TBC1D31: variants seen among roughly 807,000 people sequenced by gnomAD.
TBC1D31 encodes TBC1 domain family member 31.
In TBC1D31, 99 loss-of-function variants were observed where a neutral mutation model predicts 132.9. The observed-to-expected ratio is 0.74, with a 90% CI of 0.63 to 0.88. The LOEUF (loss-of-function observed/expected upper bound fraction) is 0.88. TBC1D31 is among the 40% of genes least tolerant of loss of function. The pLI is 0.00. For synonymous variants in TBC1D31, 385 were observed against 419.4 expected (o/e 0.92, Z 1.00); for missense variants, 1,134 against 1,256.6 (o/e 0.90, Z 1.48).
chr8:123,103,432 T>C (rs1817636153), intron 7 of TBC1D31: 1 of 151,960 alleles, frequency 6.6e-6, no homozygotes, highest in Admixed American at 6.6e-5. Context: ...TTCTTTTCTT[T>C]TTTTTTTTGA....
intron 11 of TBC1D31, among the ~76,000 whole-genome samples, chr8:123,122,901 G>A (rs1015397868): frequency 6.6e-6 from 1 of 152,156 alleles, no homozygotes; most frequent in African/African-American, 2.4e-5. Context: ...GTCAGCATGA[G>A]TGGTGGATTT....
intron 7 of TBC1D31, chr8:123,102,321 A>C (rs535100041): frequency 4.4e-6 from 2 of 454,150 alleles, no homozygotes; most frequent in South Asian, 1.6e-5. Context: ...TTCCAAGATT[A>C]CATGAGATTG....
At chr8:123,093,556 T>C in intron 4 of TBC1D31, 35 bp from the exon 5 acceptor site, 1 of 1,499,680 alleles carries the variant, frequency 6.7e-7, no homozygotes, top group Non-Finnish European at 9.1e-7. Context: ...TATGTGAACC[T>C]TATGTGAAAA....
intron 11 of TBC1D31, among the ~76,000 whole-genome samples, chr8:123,125,506 A>C (rs991020700): frequency 3.9e-5 from 6 of 152,238 alleles, no homozygotes; most frequent in Admixed American, 1.3e-4. Flanking sequence ...CTTATAGAAC[A>C]ATCAGTCTTT....
At chr8:123,119,926 G>A (rs17314930) in intron 10 of TBC1D31, 129 bp from the exon 11 acceptor site, 130,663 of 688,184 alleles carry the variant, frequency 0.19, 12,847 homozygotes, top group African/African-American at 0.23. Flanking sequence ...GTTACTTCTG[G>A]AGAGGTGAAC....
chr8:123,130,959 T>A (rs1820561859), intron 16 of TBC1D31, among the ~76,000 whole-genome samples: 1 of 152,022 alleles, frequency 6.6e-6, no homozygotes, highest in Non-Finnish European at 1.5e-5. Context: ...TTTTTTCATA[T>A]AAAAATTATC....
chr8:123,111,737 T>C (rs181116148), intron 10 of TBC1D31, among the ~76,000 whole-genome samples: 2 of 152,180 alleles, frequency 1.3e-5, no homozygotes, highest in East Asian at 1.9e-4. Flanking sequence ...TATATAACTA[T>C]AAATAATAAC....
chr8:123,137,933 A>T (rs925999177), intron 17 of TBC1D31, among the ~76,000 whole-genome samples: 3 of 152,224 alleles, frequency 2.0e-5, no homozygotes, highest in Non-Finnish European at 4.4e-5. Flanking sequence ...GATGTATGAT[A>T]CATATTGGAT....
intron 6 of TBC1D31, among the ~76,000 whole-genome samples, 157 bp from the exon 7 acceptor site, chr8:123,100,649 TG>T (rs1296712091): frequency 6.6e-6 from 1 of 151,874 alleles, no homozygotes; most frequent in Non-Finnish European, 1.5e-5. Context: ...TTCCTCTAGG[TG>T]TCCCTCTCAA....
At chr8:123,130,776 C>T (rs1459357305) in intron 16 of TBC1D31, among the ~76,000 whole-genome samples, 1 of 151,666 alleles carries the variant, frequency 6.6e-6, no homozygotes, top group Non-Finnish European at 1.5e-5. Context: ...TGCACGCCAC[C>T]ACACCCAGCT....
chr8:123,090,876 G>A (rs915327928), intron 4 of TBC1D31, among the ~76,000 whole-genome samples: 3 of 152,030 alleles, frequency 2.0e-5, no homozygotes, highest in Admixed American at 2.0e-4. Context: ...TGCTTGGGAG[G>A]TTGTAGTGAG....
At chr8:123,089,157 A>G (rs1372224459) in intron 4 of TBC1D31, among the ~76,000 whole-genome samples, 1 of 152,224 alleles carries the variant, frequency 6.6e-6, no homozygotes, top group Non-Finnish European at 1.5e-5. Context: ...TTAAGATTTC[A>G]GATTTTCGGA....
Position 123,134,216 on chromosome 8 carries a change from A to C in TBC1D31, c.2499+10A>C. 6.2e-7 allele frequency: 1 copy of C among 1,610,226 alleles called. No homozygotes were observed. The highest frequency in any genetic ancestry group is 8.5e-7 in the Non-Finnish European group (1 of 1,176,734). On this transcript the variant is annotated intron_variant, in intron 17 of 21. Coordinates refer to ENST00000287380, the MANE Select transcript of TBC1D31 (RefSeq NM_145647.4). The stretch of plus-strand genomic sequence containing the variant: ...GAGACTTTATGAGAAGGTATAATTC[A>C]GTTATTTCCAACATAAGAAAAGCAG...
At chr8:123,109,814 A>G (rs1818279401) in intron 10 of TBC1D31, among the ~76,000 whole-genome samples, 194 bp downstream of exon 10, 1 of 152,086 alleles carries the variant, frequency 6.6e-6, no homozygotes, top group African/African-American at 2.4e-5. Context: ...AGAAAATAGG[A>G]CTCTTTCAGT....
intron 8 of TBC1D31, among the ~76,000 whole-genome samples, chr8:123,107,181 A>T (rs528940069): frequency 4.6e-5 from 7 of 152,278 alleles, no homozygotes; most frequent in African/African-American, 1.7e-4. Context: ...GGGTGGTGAG[A>T]ACTTTCCTGA....
chr8:123,090,214 A>G (rs1019374967), intron 4 of TBC1D31, among the ~76,000 whole-genome samples: 2 of 152,220 alleles, frequency 1.3e-5, no homozygotes, highest in African/African-American at 4.8e-5. Context: ...ATTTTACAAG[A>G]AGGGAAACCG....
At chr8:123,148,320 G>A (rs548604873) in intron 20 of TBC1D31, among the ~76,000 whole-genome samples, 1 of 152,256 alleles carries the variant, frequency 6.6e-6, no homozygotes, top group African/African-American at 2.4e-5. Flanking sequence ...TTGAAACATT[G>A]CTGGAGACAA....
intron 5 of TBC1D31, among the ~76,000 whole-genome samples, chr8:123,094,561 C>T (rs533660907): frequency 4.7e-4 from 70 of 149,052 alleles, no homozygotes; most frequent in African/African-American, 1.7e-3. Flanking sequence ...ATTTTTGAGA[C>T]GAAGTCTCAT....
At chr8:123,099,903 A>G (rs1817215603) in intron 6 of TBC1D31, among the ~76,000 whole-genome samples, 1 of 152,058 alleles carries the variant, frequency 6.6e-6, no homozygotes, top group South Asian at 2.1e-4. Flanking sequence ...TATGGGTGAG[A>G]AAGGGAGGGA....
Sources: gnomAD v4.1 joint callset for allele counts (sites outside exome capture counted in the v4.1 genomes callset) on GRCh38, gnomAD v4.1.1 for gene constraint, MANE v1.5 for transcripts, NCBI Gene and HGNC (gene_info 2026-07-23, HGNC 2026-07-21) for gene names.